The following ZNF362 variants were observed in gnomAD, a reference collection of about 807,000 sequenced individuals.
ZNF362 encodes rotund homolog.
Under a neutral mutation model 42.9 loss-of-function variants are expected in ZNF362, and 11 were observed. The observed-to-expected ratio is 0.26, with a 90% CI of 0.16 to 0.42. The LOEUF (loss-of-function observed/expected upper bound fraction) is 0.42, where lower values mean the gene tolerates loss of function less well. Ranked by LOEUF, ZNF362 falls within the 20% of genes least tolerant of loss-of-function variation. The pLI, the probability that ZNF362 is intolerant of heterozygous loss-of-function variation, is 1.00. For missense variants in ZNF362, 362 were observed against 576.2 expected, an observed-to-expected ratio of 0.63 and a Z score of 3.81; for synonymous variants, 255 against 257.3, an observed-to-expected ratio of 0.99 and a Z score of 0.09.
chr1:33,202,576 TG>T, the ZNF362 span, among the ~76,000 whole-genome samples: 35 of 141,730 alleles, frequency 2.5e-4, no homozygotes, highest in African/African-American at 8.4e-4. Flanking sequence ...CCAGCCTGGG[TG>T]ACAGAGCGAG....
Position 33,280,560 on chromosome 1 carries a change from G to GCCGAAACAGGACC in ZNF362, c.683+104_683+105insCGAAACAGGACCC. On this transcript the variant is annotated intron_variant, in intron 5 of 8. Transcript: ENST00000539719. The surrounding 1 kb of genome is among the most constrained non-coding windows in gnomAD (Gnocchi z 5.6). ...GCGGGGCTGAAACAGGACCCTTAGG[G>GCCGAAACAGGACC]CTGAGGGGCAGGGCTAGGGTCCAGA... 6.2e-6 allele frequency: 9 copies of GCCGAAACAGGACC among 1,455,766 alleles called. No individual in the cohort carries two copies. The highest frequency in any genetic ancestry group is 8.2e-6 in the Non-Finnish European group (9 of 1,100,560). The allele number at this position is 1,455,766 out of a possible 1,614,324, so 90.2% of individuals were successfully genotyped here.
At chr1:33,154,938 A>C in the ZNF362 span, among the ~76,000 whole-genome samples, 4 of 149,532 alleles carry the variant, frequency 2.7e-5, no homozygotes, top group Non-Finnish European at 5.9e-5. Flanking sequence ...CTAAAAATAC[A>C]AAAAATTAGC....
chr1:33,209,763 G>A, the ZNF362 span, among the ~76,000 whole-genome samples: 1 of 152,082 alleles, frequency 6.6e-6, no homozygotes, highest in Non-Finnish European at 1.5e-5. Context: ...TGGGATCGGT[G>A]GTGATATCCC....
intron 4 of ZNF362, 59 bp downstream of exon 4, chr1:33,276,653 G>T: frequency 1.5e-6 from 2 of 1,291,512 alleles, no homozygotes; most frequent in Non-Finnish European, 2.0e-6. Context: ...GGGGGCGGGC[G>T]TAGCGGGGGA....
intron 4 of ZNF362, among the ~76,000 whole-genome samples, chr1:33,279,519 C>T (rs1645975295): frequency 6.6e-6 from 1 of 151,250 alleles, no homozygotes; most frequent in Non-Finnish European, 1.5e-5. Flanking sequence ...ACAATAGGTA[C>T]CATTTTCATG....
upstream of ZNF362, among the ~76,000 whole-genome samples, chr1:33,255,687 C>G (rs1309535759): frequency 1.3e-5 from 2 of 152,164 alleles, no homozygotes; most frequent in Non-Finnish European, 2.9e-5. Context: ...TTCGGGCCGC[C>G]CCATCCGTCG....
chr1:33,292,334 G>A (rs906477258), intron 6 of ZNF362, among the ~76,000 whole-genome samples: 6 of 152,166 alleles, frequency 3.9e-5, no homozygotes, highest in Non-Finnish European at 7.4e-5. Flanking sequence ...ATCATGTGGT[G>A]TTTGTCGTTG....
intron 1 of ZNF362, among the ~76,000 whole-genome samples, chr1:33,256,983 T>A (rs1645797359): frequency 6.6e-6 from 1 of 152,022 alleles, no homozygotes; most frequent in Non-Finnish European, 1.5e-5. Flanking sequence ...GCTGCAATTC[T>A]CCGGTAAACA....
chr1:33,177,439 C>T, the ZNF362 span, among the ~76,000 whole-genome samples: 2 of 152,104 alleles, frequency 1.3e-5, no homozygotes, highest in Non-Finnish European at 2.9e-5. This position sits in a 1 kb window ranked among gnomAD's most constrained non-coding sequence, Gnocchi z 4.1. Context: ...AGCAAAGTGA[C>T]GTGACCAAGG....
the ZNF362 span, among the ~76,000 whole-genome samples, chr1:33,227,051 A>G: frequency 6.6e-6 from 1 of 152,184 alleles, no homozygotes; most frequent in Non-Finnish European, 1.5e-5. Context: ...GGACAGTGAT[A>G]ACTATAGGGT....
the ZNF362 span, among the ~76,000 whole-genome samples, chr1:33,215,285 A>G: frequency 6.6e-6 from 1 of 152,184 alleles, no homozygotes; most frequent in Non-Finnish European, 1.5e-5. Flanking sequence ...TGTGGGAGCT[A>G]AAAATTAAAA....
the ZNF362 span, among the ~76,000 whole-genome samples, chr1:33,208,688 A>G: frequency 6.6e-6 from 1 of 152,096 alleles, no homozygotes; most frequent in South Asian, 2.1e-4. Context: ...TTCTCTTTGT[A>G]GTAATTGTGA....
Position 33,294,631 on chromosome 1 carries a change from C to T in ZNF362, c.909-306C>T, listed in dbSNP as rs1646104073. ...AGTGTGGGGTTTTCAAAGAGAGGGGCAGCCAAATCAGGCCCTCTCCGAGGC... is the reference window on the plus strand; with the variant it reads ...AGTGTGGGGTTTTCAAAGAGAGGGGTAGCCAAATCAGGCCCTCTCCGAGGC... On this transcript the variant is annotated intron_variant, in intron 6 of 8. Transcript: ENST00000539719. The surrounding 1 kb of genome is among the most constrained non-coding windows in gnomAD (Gnocchi z 4.2). 6.6e-6 allele frequency among the ~76,000 whole-genome samples: 1 copy of T among 152,140 alleles called. No individual in the cohort carries two copies. The highest frequency in any genetic ancestry group is 1.5e-5 in the Non-Finnish European group (1 of 68,022).
chr1:33,205,587 C>T, the ZNF362 span, among the ~76,000 whole-genome samples: 8 of 151,864 alleles, frequency 5.3e-5, no homozygotes, highest in Non-Finnish European at 1.2e-4. Flanking sequence ...TATAAAGCTA[C>T]AGTAGTCAAG....
At chr1:33,237,014 T>C in the ZNF362 span, among the ~76,000 whole-genome samples, 1 of 152,100 alleles carries the variant, frequency 6.6e-6, no homozygotes, top group South Asian at 2.1e-4. Flanking sequence ...GAGGTTGTAG[T>C]GAGCTGAGAT....
upstream of ZNF362, among the ~76,000 whole-genome samples, chr1:33,251,685 A>G (rs1247357874): frequency 4.0e-5 from 6 of 151,806 alleles, no homozygotes; most frequent in Admixed American, 1.3e-4. Context: ...TGGCCCTTCA[A>G]TGTGTCAAAC....
upstream of ZNF362, among the ~76,000 whole-genome samples, chr1:33,254,582 G>A (rs1381112298): frequency 6.6e-6 from 1 of 152,154 alleles, no homozygotes; most frequent in East Asian, 1.9e-4. Context: ...ATGGGTTATT[G>A]GGAGGAAGAC....
At chr1:33,221,437 C>T in the ZNF362 span, among the ~76,000 whole-genome samples, 3 of 152,220 alleles carry the variant, frequency 2.0e-5, no homozygotes, top group African/African-American at 7.2e-5. Context: ...TCCAGCCTCA[C>T]TCCTCCACAC....
chr1:33,277,321 T>C (rs985323058), intron 4 of ZNF362, among the ~76,000 whole-genome samples: 1 of 152,204 alleles, frequency 6.6e-6, no homozygotes, highest in African/African-American at 2.4e-5. Flanking sequence ...GGTTTACAGC[T>C]AGTAAGAGGC....
Sources: allele counts gnomAD v4.1 joint callset (sites outside exome capture counted in the v4.1 genomes callset), GRCh38; gene constraint gnomAD v4.1.1; non-coding constraint Gnocchi (gnomAD v3.1); transcripts MANE v1.5; gene names NCBI Gene and HGNC (gene_info 2026-07-23, HGNC 2026-07-21).